WDR35: variants seen among roughly 807,000 people sequenced by gnomAD.
The protein encoded by WDR35 is WD repeat domain 35.
Under a neutral mutation model 158.3 loss-of-function variants are expected in WDR35, and 118 were observed. That is an observed-to-expected ratio of 0.75 (90% confidence interval 0.64 to 0.87). The LOEUF is 0.87. Among genes scored for constraint, WDR35 ranks in the 40% least tolerant of loss-of-function variants. The pLI, the probability that WDR35 is intolerant of heterozygous loss-of-function variation, is 0.00. For missense variants in WDR35, 1,263 were observed against 1,405.8 expected (o/e 0.90, Z 1.62); for synonymous variants, 448 against 476.1 (o/e 0.94, Z 0.77).
At chr2:19,963,506 G>T (rs576481304) in intron 10 of WDR35, among the ~76,000 whole-genome samples, 4 of 152,042 alleles carry the variant, frequency 2.6e-5, no homozygotes, top group Admixed American at 1.3e-4. Context: ...AATTTCTCTT[G>T]GAGCCTTCTG....
intron 21 of WDR35, 133 bp downstream of exon 21, chr2:19,935,338 T>C: frequency 2.2e-6 from 2 of 929,822 alleles, no homozygotes; most frequent in Non-Finnish European, 3.1e-6. Context: ...ATTAAAAGCA[T>C]CATTCCATGT....
At chr2:19,974,832 G>A (rs572411333) in intron 6 of WDR35, among the ~76,000 whole-genome samples, 199 bp from the exon 7 acceptor site, 12 of 152,240 alleles carry the variant, frequency 7.9e-5, no homozygotes, top group Admixed American at 7.2e-4. Flanking sequence ...TGTAAAAAAT[G>A]AGGATTAAAA....
chr2:19,957,196 ATGG>A (rs981629115), intron 11 of WDR35, among the ~76,000 whole-genome samples: 10 of 152,316 alleles, frequency 6.6e-5, no homozygotes, highest in Non-Finnish European at 1.0e-4. Context: ...TTAGTTAGAC[ATGG>A]TTGCTATTGT....
At chr2:19,954,172 C>A (rs1305839841) in intron 11 of WDR35, among the ~76,000 whole-genome samples, 194 bp from the exon 12 acceptor site, 1 of 152,120 alleles carries the variant, frequency 6.6e-6, no homozygotes, top group Non-Finnish European at 1.5e-5. Context: ...TACAACGATA[C>A]TAACTCAAAA....
chr2:19,987,471 A>T (rs1672605916), intron 2 of WDR35, among the ~76,000 whole-genome samples: 1 of 152,182 alleles, frequency 6.6e-6, no homozygotes, highest in Non-Finnish European at 1.5e-5. Flanking sequence ...CAGAAAAAGA[A>T]GTTTGTTTTT....
In WDR35 at chr2:19,941,720, G is replaced by A. The variant is rs540863444; in HGVS notation, c.1926+39C>T. 2.3e-4 allele frequency: 321 copies of A among 1,425,790 alleles called. 4 individuals are homozygous for A. The South Asian group carries it at 3.7e-3, about 17-fold the overall frequency. 88.3% of individuals were successfully genotyped at this position (1,425,790 alleles called of 1,614,324 possible). A position where few individuals can be genotyped will look rare whatever the true frequency, so the allele number is the denominator to read the frequency against. ...CCGCCTGGTCCAGAAATAATCCCCT[G>A]TCAAGCTAGCAACAGAAATGTAACT... On this transcript the variant is annotated intron_variant, in intron 17 of 26. Coordinates refer to ENST00000281405, the MANE Select transcript of WDR35 (RefSeq NM_020779.4).
At chr2:19,936,043 G>A (rs1670681261) in intron 20 of WDR35, among the ~76,000 whole-genome samples, 176 bp downstream of exon 20, 1 of 152,156 alleles carries the variant, frequency 6.6e-6, no homozygotes, top group Non-Finnish European at 1.5e-5. Flanking sequence ...AATTTTTATA[G>A]TGCTCATCTC....
At chr2:19,935,306 A>G in intron 21 of WDR35, 165 bp downstream of exon 21, 1 of 648,060 alleles carries the variant, frequency 1.5e-6, no homozygotes, top group Non-Finnish European at 2.4e-6. Context: ...AGCATTCTAT[A>G]TTATTTATAT....
chr2:19,956,674 G>C (rs778913052), intron 11 of WDR35, among the ~76,000 whole-genome samples: 1 of 144,978 alleles, frequency 6.9e-6, no homozygotes, highest in Non-Finnish European at 1.5e-5. Context: ...AGGCTGGAGT[G>C]CAGTGGCACG....
intron 25 of WDR35, among the ~76,000 whole-genome samples, chr2:19,915,731 C>T (rs1669968154): frequency 6.6e-6 from 1 of 151,642 alleles, no homozygotes; most frequent in Non-Finnish European, 1.5e-5. Flanking sequence ...CCTTTAGAGC[C>T]AGCAAGAAGA....
At chr2:19,989,020 C>G (rs1029331642) in intron 2 of WDR35, 145 bp downstream of exon 2, 8 of 790,256 alleles carry the variant, frequency 1.0e-5, no homozygotes, top group Non-Finnish European at 1.8e-5. Flanking sequence ...TGCAAATATA[C>G]TCCAGAAAAA....
chr2:19,923,441 C>T (rs1490278415), intron 25 of WDR35, among the ~76,000 whole-genome samples: 2 of 152,026 alleles, frequency 1.3e-5, no homozygotes, highest in African/African-American at 4.8e-5. Context: ...GTTCGTTCCA[C>T]CTTGGAACTT....
Position 19,937,828 on chromosome 2 carries a change from T to C in WDR35, c.2182A>G (p.Ser728Gly). Residue 728 changes from serine to glycine, a missense_variant, in exon 19 of 27, where the codon AGT (serine) becomes GGT (glycine). Coordinates refer to ENST00000281405, the MANE Select transcript of WDR35 (RefSeq NM_020779.4). Reference sequence around the variant, plus strand: ...ACTTCAGCCTGTTTCATTGACTCACTCAGTAGTTTGCCCAAGCGCTTCACA... The same window carrying C: ...ACTTCAGCCTGTTTCATTGACTCACCCAGTAGTTTGCCCAAGCGCTTCACA... Reference protein sequence around the residue: ...KFVKRLGKLLSESMKQAEVVG... With the variant: ...KFVKRLGKLLGESMKQAEVVG... 1 of 1,614,160 alleles carries C rather than the reference T, an allele frequency of 6.2e-7. No homozygotes were observed. The highest frequency in any genetic ancestry group is 8.5e-7 in the Non-Finnish European group (1 of 1,180,016).
chr2:19,989,447 C>T (rs1388039452), intron 1 of WDR35, among the ~76,000 whole-genome samples, 165 bp from the exon 2 acceptor site: 1 of 152,076 alleles, frequency 6.6e-6, no homozygotes, highest in Non-Finnish European at 1.5e-5. Context: ...TGAACTGACC[C>T]GGGCTCTAGC....
chr2:19,938,389 G>T lies in WDR35; in HGVS notation c.1939C>A (p.Pro647Thr). 1 of 1,613,710 alleles carries T rather than the reference G, an allele frequency of 6.2e-7. No homozygotes were observed. The highest frequency in any genetic ancestry group is 8.5e-7 in the Non-Finnish European group (1 of 1,179,938). Residue 647 changes from proline (P) to threonine (T), a missense_variant, in exon 18 of 27, where the codon CCA (proline) becomes ACA (threonine). Physicochemically the swap from Pro to Thr is conservative, Grantham distance 38. Coordinates refer to ENST00000281405, the MANE Select transcript of WDR35 (RefSeq NM_020779.4). ...LDEILKDPEHPNKDYLINFEI... is the reference protein window; with the variant it reads ...LDEILKDPEHTNKDYLINFEI... ...AAGTTAATTAGGTAATCCTTGTTTG[G>T]ATGTTCTGGATCCTAAAAGTAAAGA... is the stretch of plus-strand genomic sequence containing the variant.
chr2:19,925,642 C>G (rs909486050), intron 25 of WDR35, among the ~76,000 whole-genome samples: 3 of 152,124 alleles, frequency 2.0e-5, no homozygotes, highest in Non-Finnish European at 4.4e-5. Flanking sequence ...TGTGAAGGGC[C>G]CGATGGACAA....
intron 1 of WDR35, 133 bp from the exon 2 acceptor site, chr2:19,989,415 T>C: frequency 1.2e-6 from 1 of 828,216 alleles, no homozygotes; most frequent in Non-Finnish European, 2.1e-6. Flanking sequence ...AATGAGCTGT[T>C]GTGAAAATGG....
chr2:19,969,657 A>AAATTACCACC (rs1671971984), intron 8 of WDR35, 52 bp from the exon 9 acceptor site: 2 of 1,578,474 alleles, frequency 1.3e-6, no homozygotes, highest in South Asian at 2.2e-5. Context: ...ACTGAAATAC[A>AAATTACCACC]AATTACCACC....
intron 17 of WDR35, 149 bp from the exon 18 acceptor site, chr2:19,938,550 G>T: frequency 9.0e-7 from 1 of 1,111,112 alleles, no homozygotes; most frequent in South Asian, 1.6e-5. Flanking sequence ...CTTCACGTTT[G>T]GGTCTTTTGA....
Sources: gnomAD v4.1 joint callset for allele counts (sites outside exome capture counted in the v4.1 genomes callset) on GRCh38, gnomAD v4.1.1 for gene constraint, MANE v1.5 for transcripts, NCBI Gene and HGNC (gene_info 2026-07-23, HGNC 2026-07-21) for gene names.